FRY: variants seen among roughly 807,000 people sequenced by gnomAD.
FRY encodes the protein FRY microtubule binding protein.
In FRY, 128 loss-of-function variants were observed where a neutral mutation model predicts 348.4. The ratio of observed to expected loss-of-function variants is 0.37; its 90% CI spans 0.32 to 0.43. The LOEUF is 0.43. Ranked by LOEUF, FRY falls within the 20% of genes least tolerant of loss-of-function variation. The pLI, the probability that FRY is intolerant of heterozygous loss-of-function variation, is 1.00. For synonymous variants in FRY, 1,370 were observed against 1,374.7 expected (o/e 1.00, Z 0.08); for missense variants, 2,736 against 3,695.2 (o/e 0.74, Z 6.73).
At chr13:32,106,364 G>T (rs1877550082) in intron 3 of FRY, among the ~76,000 whole-genome samples, 1 of 151,878 alleles carries the variant, frequency 6.6e-6, no homozygotes, top group Non-Finnish European at 1.5e-5. Context: ...CATAATCTTT[G>T]TTTCTAAAAA....
intron 20 of FRY, among the ~76,000 whole-genome samples, chr13:32,177,711 A>ATCTCTCT (rs1429905969): frequency 1.3e-5 from 2 of 152,210 alleles, no homozygotes; most frequent in African/African-American, 4.8e-5. Context: ...AATCAAAGGG[A>ATCTCTCT]AGATATTTCA....
In FRY at chr13:32,232,792, T is replaced by A. The variant is rs556427876; in HGVS notation, c.5527+1492T>A. 2.6e-5 allele frequency among the ~76,000 whole-genome samples: 4 copies of A among 152,334 alleles called. No individual in the cohort carries two copies. In the East Asian group the frequency reaches 7.7e-4, roughly 29 times the overall value. On this transcript the variant is annotated intron_variant, in intron 41 of 60. Transcript: ENST00000542859. ...GACTGGGAAGTATAGATTCACTGTG[T>A]GGCTGGAAAGAAAAAGAAACCTTTT...
At chr13:32,190,204 A>G (rs1883258901) in intron 28 of FRY, among the ~76,000 whole-genome samples, 1 of 152,008 alleles carries the variant, frequency 6.6e-6, no homozygotes, top group South Asian at 2.1e-4. Flanking sequence ...CATATTTAAT[A>G]TAAAATATGT....
At chr13:32,124,217 T>G in intron 4 of FRY, 69 bp from the exon 5 acceptor site, 2 of 969,064 alleles carry the variant, frequency 2.1e-6, no homozygotes, top group Non-Finnish European at 3.3e-6. Flanking sequence ...AGTCCTAGAT[T>G]TTTTATGAAT....
intron 34 of FRY, 44 bp from the exon 35 acceptor site, chr13:32,212,248 C>A: frequency 9.0e-7 from 1 of 1,116,606 alleles, no homozygotes; most frequent in Non-Finnish European, 1.4e-6. Flanking sequence ...GACCCCTCAG[C>A]TTGCATCTTT....
chr13:32,241,164 G>A (rs1021393356), intron 46 of FRY, among the ~76,000 whole-genome samples: 1 of 152,200 alleles, frequency 6.6e-6, no homozygotes, highest in African/African-American at 2.4e-5. Flanking sequence ...AAGTAGTACT[G>A]AGAGAACTGA....
Position 32,247,443 on chromosome 13 carries a change from A to T in FRY, c.6949A>T (p.Thr2317Ser). 6.2e-7 allele frequency: 1 copy of T among 1,613,570 alleles called. No homozygotes were observed. Among genetic ancestry groups the T allele is most frequent in the South Asian group, 1.1e-5 (1 of 91,074 alleles). Residue 2317 changes from threonine (T) to serine (S), a missense_variant, in exon 48 of 61, where the codon ACT becomes TCT. This residue lies in a region of FRY where 789 missense variants were observed against 996.2 expected (regional missense o/e 0.79). Transcript: ENST00000542859. ...AAAAATAGAAATACATCGAGTGTGG[A>T]CTAGTGCTTCCAAGGAATTACCTGG... ...LSKIEIHRVW[T>S]SASKELPGKT...
At chr13:32,289,598 A>G (rs1481914654) in intron 58 of FRY, 35 bp from the exon 59 acceptor site, 6 of 1,246,430 alleles carry the variant, frequency 4.8e-6, no homozygotes, top group South Asian at 1.2e-5. Context: ...ATCTTTAACA[A>G]TAACTGTTTC....
At chr13:32,044,797 G>T (rs1872935049) in intron 1 of FRY, among the ~76,000 whole-genome samples, 1 of 152,188 alleles carries the variant, frequency 6.6e-6, no homozygotes, top group African/African-American at 2.4e-5. Flanking sequence ...TAGACTTGCT[G>T]CTTCCAGCCT....
Position 32,178,913 on chromosome 13 carries a change from T to C in FRY, c.2751T>C (p.Asn917=), listed in dbSNP as rs759561072. The change falls in exon 22 of 61, where the codon AAT becomes AAC. Residue 917 remains asparagine, a synonymous_variant. Transcript: ENST00000542859. ...ACAACTATGTTACTTTGTGGAGAAA[T>C]TACCTAATTCTTTGTTTTGGAGTTG... The part of the protein sequence containing the change: ...SGDNYVTLWR[N]YLILCFGVAK... 2 of 1,613,586 alleles carry C rather than the reference T, an allele frequency of 1.2e-6. No homozygotes were observed. The highest frequency in any genetic ancestry group is 2.2e-5 in the East Asian group (1 of 44,876).
At chr13:32,288,623 C>G (rs781735841) in intron 58 of FRY, among the ~76,000 whole-genome samples, 1 of 152,218 alleles carries the variant, frequency 6.6e-6, no homozygotes, top group Non-Finnish European at 1.5e-5. Context: ...TAGAAGCTCT[C>G]GATTCTGAGC....
At chr13:32,134,526 T>C (rs41413449) in intron 8 of FRY, among the ~76,000 whole-genome samples, 27,122 of 152,232 alleles carry the variant, frequency 0.18, 2,941 homozygotes, top group Non-Finnish European at 0.24. Context: ...TCTGTGTTTG[T>C]GGGCTAACTA....
At chr13:32,138,097 A>G (rs1879832077) in intron 11 of FRY, among the ~76,000 whole-genome samples, 1 of 151,982 alleles carries the variant, frequency 6.6e-6, no homozygotes. Flanking sequence ...CAAGTGTTAC[A>G]TAAAGGCCAC....
At chr13:32,260,120 G>A (rs1887552430) in intron 51 of FRY, among the ~76,000 whole-genome samples, 2 of 152,182 alleles carry the variant, frequency 1.3e-5, no homozygotes, top group Admixed American at 6.5e-5. Flanking sequence ...AGAATGGCAA[G>A]CTTGTTTCAC....
chr13:32,154,700 C>T (rs1219719677), intron 14 of FRY, among the ~76,000 whole-genome samples: 2 of 152,142 alleles, frequency 1.3e-5, no homozygotes, highest in Non-Finnish European at 2.9e-5. Context: ...TTATTTTCTT[C>T]CATAGGTAGT....
At chr13:32,196,345 CATTT>C (rs1883676359) in intron 29 of FRY, among the ~76,000 whole-genome samples, 2 of 152,120 alleles carry the variant, frequency 1.3e-5, no homozygotes, top group South Asian at 4.1e-4. Flanking sequence ...TTTATAAGTA[CATTT>C]ATTTATTAAG....
rs116337430 is a variant in FRY, at chr13:32,147,077, G to A, written c.1180-205G>A. On this transcript the variant is annotated intron_variant, in intron 11 of 60. Transcript: ENST00000542859. ...TCCCCCAGAATTAATCTGTCCCACC[G>A]TTTATATGCCTCCTCATGGATGATT... 5.9e-3 allele frequency among the ~76,000 whole-genome samples: 903 copies of A among 152,238 alleles called. 8 individuals carry two copies. Among genetic ancestry groups the A allele is most frequent in the African/African-American group, 0.02 (851 of 41,528 alleles).
chr13:32,075,157 T>C (rs951345018), intron 1 of FRY, among the ~76,000 whole-genome samples: 3 of 152,254 alleles, frequency 2.0e-5, no homozygotes, highest in African/African-American at 7.2e-5. Context: ...GCTAAATTCT[T>C]AGAGGCAGCA....
chr13:32,270,612 C>A (rs1215308128), intron 55 of FRY, among the ~76,000 whole-genome samples: 1 of 152,174 alleles, frequency 6.6e-6, no homozygotes, highest in East Asian at 1.9e-4. Flanking sequence ...TTTGACAGTC[C>A]TGCACAATAC....
Sources: gnomAD v4.1 joint callset for allele counts (sites outside exome capture counted in the v4.1 genomes callset) on GRCh38, gnomAD v4.1.1 for gene constraint, gnomAD v4.1.1 regional missense constraint, MANE v1.5 for transcripts, NCBI Gene and HGNC (gene_info 2026-07-23, HGNC 2026-07-21) for gene names.